CFAP95: variants seen among roughly 807,000 people sequenced by gnomAD.
CFAP95 encodes the protein cilia- and flagella-associated protein 95.
At chr9:69,839,760 T>C in the CFAP95 span, among the ~76,000 whole-genome samples, 20 of 151,746 alleles carry the variant, frequency 1.3e-4, no homozygotes, top group African/African-American at 4.8e-4. Flanking sequence ...TGGAAATACA[T>C]GTACATATTC....
At chr9:69,857,120 C>G in the CFAP95 span, among the ~76,000 whole-genome samples, 1 of 152,172 alleles carries the variant, frequency 6.6e-6, no homozygotes, top group Non-Finnish European at 1.5e-5. Flanking sequence ...GAAGTATTGA[C>G]TGACATGCAA....
At chr9:69,889,521 A>G in the CFAP95 span, among the ~76,000 whole-genome samples, 1 of 151,996 alleles carries the variant, frequency 6.6e-6, no homozygotes, top group Non-Finnish European at 1.5e-5. Flanking sequence ...CAGTTTAGAC[A>G]CTCCTGTGAT....
chr9:69,895,148 G>A, the CFAP95 span, among the ~76,000 whole-genome samples: 2 of 152,096 alleles, frequency 1.3e-5, no homozygotes, highest in South Asian at 4.1e-4. Context: ...TTTACAATCA[G>A]TTAACTTTTA....
the CFAP95 span, among the ~76,000 whole-genome samples, chr9:69,828,592 AGGATCGCT>A: frequency 6.6e-6 from 1 of 152,212 alleles, no homozygotes; most frequent in African/African-American, 2.4e-5. Flanking sequence ...CTGAGGCGAG[AGGATCGCT>A]GGAGCATGGG....
At chr9:69,829,137 C>T in the CFAP95 span, among the ~76,000 whole-genome samples, 5 of 152,310 alleles carry the variant, frequency 3.3e-5, no homozygotes, top group South Asian at 4.1e-4. Flanking sequence ...TCCTACGCCA[C>T]GGTTATTTTT....
chr9:69,852,712 G>C, the CFAP95 span, among the ~76,000 whole-genome samples: 1 of 152,166 alleles, frequency 6.6e-6, no homozygotes, highest in Non-Finnish European at 1.5e-5. Flanking sequence ...ATATGGTTTT[G>C]CTCTGTGTCC....
the CFAP95 span, among the ~76,000 whole-genome samples, chr9:69,889,746 T>C: frequency 4.6e-5 from 7 of 152,138 alleles, no homozygotes; most frequent in South Asian, 2.1e-4. Context: ...GAAGAATCCA[T>C]TGGGCTGTAA....
the CFAP95 span, chr9:69,858,252 A>T: frequency 2.3e-6 from 1 of 430,348 alleles, no homozygotes; most frequent in Non-Finnish European, 4.3e-6. Context: ...ACAAGTCAAT[A>T]CTCGTGGTTC....
chr9:69,873,865 C>T, the CFAP95 span, among the ~76,000 whole-genome samples: 2 of 152,204 alleles, frequency 1.3e-5, no homozygotes, highest in South Asian at 4.1e-4. Flanking sequence ...CATCCAGTCA[C>T]ATATGTTACC....
the CFAP95 span, chr9:69,902,330 T>C: frequency 4.4e-6 from 2 of 455,258 alleles, no homozygotes; most frequent in Non-Finnish European, 8.8e-6. Context: ...TCTCTACCCA[T>C]TTGGAGAACT....
the CFAP95 span, among the ~76,000 whole-genome samples, chr9:69,904,289 A>G: frequency 1.2e-3 from 179 of 152,320 alleles, 1 homozygote; most frequent in African/African-American, 4.1e-3. Flanking sequence ...CACACTTAAT[A>G]CAAGAAGTTG....
chr9:69,902,341 C>CTA, the CFAP95 span: 1 of 454,914 alleles, frequency 2.2e-6, no homozygotes, highest in Non-Finnish European at 4.4e-6. Flanking sequence ...TTGGAGAACT[C>CTA]TATAATCTCC....
the CFAP95 span, among the ~76,000 whole-genome samples, chr9:69,849,900 C>A: frequency 6.6e-6 from 1 of 152,136 alleles, no homozygotes; most frequent in Non-Finnish European, 1.5e-5. Context: ...TAGTCTTTTA[C>A]CTGGACTTTA....
At chr9:69,887,682 T>A in the CFAP95 span, among the ~76,000 whole-genome samples, 1 of 152,364 alleles carries the variant, frequency 6.6e-6, no homozygotes, top group South Asian at 2.1e-4. Context: ...GACCTTCCTG[T>A]TGGCACAAGC....
chr9:69,902,733 ACT>A, the CFAP95 span, among the ~76,000 whole-genome samples: 1 of 150,562 alleles, frequency 6.6e-6, no homozygotes, highest in African/African-American at 2.4e-5. Context: ...TGAAAAGCAT[ACT>A]CTCTCTGCTT....
the CFAP95 span, chr9:69,820,979 A>G: frequency 6.2e-7 from 1 of 1,613,612 alleles, no homozygotes; most frequent in Non-Finnish European, 8.5e-7. Flanking sequence ...GGGCTCCCTG[A>G]CCCTCCGCTC....
At chr9:69,851,550 C>T in the CFAP95 span, among the ~76,000 whole-genome samples, 18 of 152,100 alleles carry the variant, frequency 1.2e-4, no homozygotes, top group Admixed American at 2.0e-4. Context: ...TCTGCTTTTC[C>T]TTTCCCCCAG....
chr9:69,861,740 A>AAC, the CFAP95 span, among the ~76,000 whole-genome samples: 1 of 150,722 alleles, frequency 6.6e-6, no homozygotes, highest in Non-Finnish European at 1.5e-5. Context: ...CAAAAAAAAA[A>AAC]AAAAAAAAAA....
At chr9:69,904,289 A>T in the CFAP95 span, among the ~76,000 whole-genome samples, 1 of 152,204 alleles carries the variant, frequency 6.6e-6, no homozygotes, top group Non-Finnish European at 1.5e-5. Flanking sequence ...CACACTTAAT[A>T]CAAGAAGTTG....
Sources: allele counts gnomAD v4.1 joint callset (sites outside exome capture counted in the v4.1 genomes callset), GRCh38; gene constraint gnomAD v4.1.1; transcripts MANE v1.5; gene names NCBI Gene and HGNC (gene_info 2026-07-23, HGNC 2026-07-21).